NUDT7: variants seen among roughly 807,000 people sequenced by gnomAD.
NUDT7 encodes the protein nudix hydrolase 7.
NUDT7 carries 19 observed loss-of-function variants against 13.1 expected under a neutral mutation model. The ratio of observed to expected loss-of-function variants is 1.45; its 90% CI spans 1.01 to 2.13. The LOEUF (loss-of-function observed/expected upper bound fraction) is 2.13, where lower values mean the gene tolerates loss of function less well. Among genes scored for constraint, NUDT7 ranks in the 30% most tolerant of loss-of-function variants. The pLI is 0.00. For missense variants in NUDT7, 360 were observed against 291.7 expected, an observed-to-expected ratio of 1.23 and a Z score of -1.71; for synonymous variants, 132 against 109.7, an observed-to-expected ratio of 1.20 and a Z score of -1.27.
chr16:77,733,421 C>T (rs536879782), intron 2 of NUDT7, among the ~76,000 whole-genome samples: 1 of 152,312 alleles, frequency 6.6e-6, no homozygotes, highest in Admixed American at 6.5e-5. Flanking sequence ...GGGCATTCAT[C>T]TCATTGATGA....
intron 2 of NUDT7, among the ~76,000 whole-genome samples, chr16:77,728,699 C>G (rs2014219527): frequency 6.6e-6 from 1 of 152,176 alleles, no homozygotes; most frequent in African/African-American, 2.4e-5. Flanking sequence ...TGGATGCTAC[C>G]TATGTTTTCG....
At chr16:77,737,312 G>A (rs1205984550) in intron 3 of NUDT7, 7 of 152,172 alleles carry the variant, frequency 4.6e-5, no homozygotes, top group Non-Finnish European at 1.5e-5. Context: ...TCATGACCCT[G>A]ACAGTTTGGA....
At chr16:77,730,517 G>A (rs886475812) in intron 2 of NUDT7, among the ~76,000 whole-genome samples, 1 of 152,166 alleles carries the variant, frequency 6.6e-6, no homozygotes, top group East Asian at 1.9e-4. Context: ...CTTGTTGATG[G>A]ATACTCAGGT....
intron 3 of NUDT7, among the ~76,000 whole-genome samples, chr16:77,736,406 G>A (rs777854046): frequency 1.4e-4 from 22 of 152,196 alleles, no homozygotes; most frequent in Admixed American, 3.9e-4. Flanking sequence ...TACTTCTGCC[G>A]TAAGGATATT....
rs188559406 is a variant in NUDT7, at chr16:77,741,866, G to A, written c.633G>A (p.Glu211=). 1.2e-6 allele frequency: 2 copies of A among 1,613,950 alleles called. No individual in the cohort carries two copies. Among genetic ancestry groups the A allele is most frequent in the Admixed American group, 1.7e-5 (1 of 59,984 alleles). The change falls in exon 4 of 4, where the codon GAG becomes GAA. Residue 211 remains glutamate, a synonymous_variant. Transcript: ENST00000268533. ...FIILEKKPTF[E]VQFNLNDVLA... Reference sequence around the variant, plus strand: ...TTTTGGAAAAAAAACCCACCTTTGAGGTTCAATTTAATCTTAATGATGTAT... The same window carrying A: ...TTTTGGAAAAAAAACCCACCTTTGAAGTTCAATTTAATCTTAATGATGTAT...
intron 2 of NUDT7, among the ~76,000 whole-genome samples, chr16:77,731,869 T>C (rs534078514): frequency 1.1e-3 from 163 of 152,140 alleles, no homozygotes; most frequent in African/African-American, 3.7e-3. Flanking sequence ...TCCTTAAAAA[T>C]AGAAAAAAGC....
At chr16:77,731,156 C>G (rs7188485) in intron 2 of NUDT7, among the ~76,000 whole-genome samples, 1 of 151,994 alleles carries the variant, frequency 6.6e-6, no homozygotes, top group East Asian at 1.9e-4. Context: ...CATTGCCCAG[C>G]TCAAGGATAA....
chr16:77,728,810 C>T (rs1192531398), intron 2 of NUDT7, among the ~76,000 whole-genome samples: 1 of 152,344 alleles, frequency 6.6e-6, no homozygotes, highest in South Asian at 2.1e-4. Flanking sequence ...CTCCATTGCA[C>T]ACCTGGGCAC....
chr16:77,730,200 T>A (rs2014276506), intron 2 of NUDT7, among the ~76,000 whole-genome samples: 1 of 152,220 alleles, frequency 6.6e-6, no homozygotes, highest in Non-Finnish European at 1.5e-5. Context: ...ATAGTTACCA[T>A]AGTATACAAT....
chr16:77,722,547 G>T lies in NUDT7; in HGVS notation c.-36G>T, dbSNP rs759462620. 33 of 1,564,952 alleles carry T rather than the reference G, an allele frequency of 2.1e-5. No individual in the cohort carries two copies. Among genetic ancestry groups the T allele is most frequent in the Middle Eastern group, 1.7e-4 (1 of 5,822 alleles). On this transcript the variant is annotated 5_prime_UTR_variant, in exon 1 of 4. Transcript: ENST00000268533. ...CAAGCGCGACCGACCGAGCAGCTCC[G>T]AGGAGTCCGCCCGGAAACAAACATT... is the stretch of plus-strand genomic sequence containing the variant.
chr16:77,724,219 A>T (rs2014055493), intron 1 of NUDT7, among the ~76,000 whole-genome samples: 1 of 152,076 alleles, frequency 6.6e-6, no homozygotes, highest in East Asian at 1.9e-4. Context: ...CCATCTTCAC[A>T]TGGTCTTCTT....
In NUDT7 at chr16:77,726,250, G is replaced by T. The variant is rs893352831; in HGVS notation, c.189+666G>T. ...TCAGTCTTTTCACTTGTAAAATGAG[G>T]ACAAAATATTAGTAACTGCTTCATA... On this transcript the variant is annotated intron_variant, in intron 2 of 3. Coordinates refer to ENST00000268533, the MANE Select transcript of NUDT7 (RefSeq NM_001105663.3). Among the ~76,000 whole-genome samples, 4 of 152,266 alleles carry T rather than the reference G, an allele frequency of 2.6e-5. No homozygotes were observed. The East Asian group carries it at 7.7e-4, about 29-fold the overall frequency.
chr16:77,730,199 A>G (rs1051247120), intron 2 of NUDT7, among the ~76,000 whole-genome samples: 3 of 152,198 alleles, frequency 2.0e-5, no homozygotes, highest in African/African-American at 7.2e-5. Context: ...TATAGTTACC[A>G]TAGTATACAA....
Position 77,741,978 on chromosome 16 carries a change from T to A in NUDT7, c.*28T>A. Reference sequence around the variant, plus strand: ...TACTAGAGCAAGAGACAAAGAACTATTCACGAGGATTCTGTGTGTGCTTAT... The same window carrying A: ...TACTAGAGCAAGAGACAAAGAACTAATCACGAGGATTCTGTGTGTGCTTAT... On this transcript the variant is annotated 3_prime_UTR_variant, in exon 4 of 4. Transcript: ENST00000268533. 1 of 1,538,762 alleles carries A rather than the reference T, an allele frequency of 6.5e-7. No individual in the cohort carries two copies.
At chr16:77,732,277 G>C (rs1038030804) in intron 2 of NUDT7, among the ~76,000 whole-genome samples, 1 of 151,106 alleles carries the variant, frequency 6.6e-6, no homozygotes, top group African/African-American at 2.4e-5. Context: ...GCAGTGAGCT[G>C]AGATCCCATC....
chr16:77,731,632 T>C (rs1165920621), intron 2 of NUDT7, among the ~76,000 whole-genome samples: 1 of 152,214 alleles, frequency 6.6e-6, no homozygotes, highest in Non-Finnish European at 1.5e-5. Flanking sequence ...GTTCTTCTTC[T>C]ACTTATTTTT....
chr16:77,736,419 T>G (rs1271601662), intron 3 of NUDT7, among the ~76,000 whole-genome samples: 2 of 152,204 alleles, frequency 1.3e-5, no homozygotes, highest in African/African-American at 4.8e-5. Flanking sequence ...AGGATATTCA[T>G]TTTTCTACAT....
intron 3 of NUDT7, among the ~76,000 whole-genome samples, chr16:77,739,666 T>C (rs779101214): frequency 7.2e-5 from 11 of 152,124 alleles, no homozygotes; most frequent in Non-Finnish European, 1.3e-4. Flanking sequence ...CCAAGCCTTA[T>C]CTTACCCAGC....
chr16:77,731,323 CTG>C (rs2014311973), intron 2 of NUDT7, among the ~76,000 whole-genome samples: 1 of 151,194 alleles, frequency 6.6e-6, no homozygotes, highest in African/African-American at 2.4e-5. Context: ...TGCTGCAAAA[CTG>C]TTTTTCCATC....
Sources: gnomAD v4.1 joint callset for allele counts (sites outside exome capture counted in the v4.1 genomes callset) on GRCh38, gnomAD v4.1.1 for gene constraint, MANE v1.5 for transcripts, NCBI Gene and HGNC (gene_info 2026-07-23, HGNC 2026-07-21) for gene names.